GON4L: variants seen among roughly 807,000 people sequenced by gnomAD.
GON4L encodes gon-4 like.
GON4L carries 87 observed loss-of-function variants against 211.8 expected under a neutral mutation model. That is an observed-to-expected ratio of 0.41 (90% CI 0.35 to 0.49). The LOEUF (loss-of-function observed/expected upper bound fraction) is 0.49, where lower values mean the gene tolerates loss of function less well. Ranked by LOEUF, GON4L falls within the 20% of genes least tolerant of loss-of-function variation. The pLI, the probability that GON4L is intolerant of heterozygous loss-of-function variation, is 0.15. For missense variants in GON4L, 2,155 were observed against 2,659.5 expected (o/e 0.81, Z 4.17); for synonymous variants, 875 against 962.6 (o/e 0.91, Z 1.68).
At chr1:155,785,878 C>T (rs141889857) in intron 12 of GON4L, among the ~76,000 whole-genome samples, 63 of 152,194 alleles carry the variant, frequency 4.1e-4, no homozygotes, top group African/African-American at 1.4e-3. Flanking sequence ...AGATGGATCA[C>T]AAAGTCAGGA....
At chr1:155,823,941 T>C (rs546331644) in intron 3 of GON4L, among the ~76,000 whole-genome samples, 23 of 152,128 alleles carry the variant, frequency 1.5e-4, no homozygotes, top group Admixed American at 3.3e-4. Flanking sequence ...TCTTTAGTCA[T>C]GTGTCTGTGT....
chr1:155,801,314 G>A (rs1666640416), intron 11 of GON4L, among the ~76,000 whole-genome samples: 1 of 151,932 alleles, frequency 6.6e-6, no homozygotes, highest in African/African-American at 2.4e-5. Context: ...ATTGTCAAAG[G>A]GGTGAGTAAT....
chr1:155,747,924 T>G (rs747751915), downstream of GON4L: 2 of 1,558,214 alleles, frequency 1.3e-6, no homozygotes, highest in East Asian at 2.2e-5. Context: ...GAGTAAACAT[T>G]CGAATCCCAT....
chr1:155,805,983 C>T (rs1667088594), intron 10 of GON4L, among the ~76,000 whole-genome samples: 1 of 107,982 alleles, frequency 9.3e-6, no homozygotes, highest in South Asian at 3.8e-4. Context: ...GCCACCATGC[C>T]TGGTGTTTTT....
downstream of GON4L, chr1:155,748,073 G>C (rs1660306821): frequency 6.2e-7 from 1 of 1,608,574 alleles, no homozygotes; most frequent in Non-Finnish European, 8.5e-7. Flanking sequence ...CCTTGGGTGG[G>C]AGCCTGGGCC....
At chr1:155,767,039 A>AAAAACAAAAC (rs542258140) in intron 20 of GON4L, 2 of 558,792 alleles carry the variant, frequency 3.6e-6, no homozygotes, top group Non-Finnish European at 6.2e-6. Context: ...ACTCTGTCTC[A>AAAAACAAAAC]AAAACAAAAC....
At position 155,765,395 on chromosome 1, in the gene GON4L, C is replaced by G; in HGVS notation, c.4078G>C (p.Ala1360Pro). Residue 1360 changes from alanine (A) to proline (P), a missense_variant, in exon 21 of 32, where the codon GCC becomes CCC. Physicochemically the swap from Ala to Pro is conservative, Grantham distance 27 (BLOSUM62 -1). Transcript: ENST00000368331. ...VEHAVELDTG[A>P]PSEELSSAGE... is the part of the protein sequence containing the mutation. ...GCACTGCTCAACTCCTCGCTTGGGG[C>G]ACCAGTGTCCAATTCCACAGCATGT... The G allele has an allele frequency of 6.2e-7, 1 of 1,614,160 alleles. No individual in the cohort carries two copies. The highest frequency in any genetic ancestry group is 8.5e-7 in the Non-Finnish European group (1 of 1,180,004).
At chr1:155,852,512 C>T (rs952438188) in intron 2 of GON4L, among the ~76,000 whole-genome samples, 2 of 152,070 alleles carry the variant, frequency 1.3e-5, no homozygotes. Context: ...GAGGCCAAGG[C>T]GGGCGGATCA....
Position 155,798,478 on chromosome 1 carries a change from C to T in GON4L, c.1646-3327G>A, listed in dbSNP as rs1374862669. 1.0e-4 allele frequency among the ~76,000 whole-genome samples: 15 copies of T among 146,120 alleles called. No individual in the cohort carries two copies. The East Asian group carries it at 1.8e-3, about 17-fold the overall frequency. ...AGGCTGGAGCACAGAGGGGCGATCT[C>T]GGCTCGCTGCAAGCTCTGCCTCCCG... On this transcript the variant is annotated intron_variant, in intron 11 of 31. Transcript: ENST00000368331.
chr1:155,794,316 C>T (rs769086090), intron 12 of GON4L, among the ~76,000 whole-genome samples: 2 of 152,166 alleles, frequency 1.3e-5, no homozygotes, highest in Non-Finnish European at 2.9e-5. Context: ...AGGTGATCTG[C>T]CTGCCTCCAC....
chr1:155,837,210 T>TC (rs368265050), intron 2 of GON4L, among the ~76,000 whole-genome samples: 217 of 152,068 alleles, frequency 1.4e-3, no homozygotes, highest in African/African-American at 5.1e-3. Context: ...AAAATGAGGG[T>TC]CCCAAATGAG....
intron 2 of GON4L, among the ~76,000 whole-genome samples, chr1:155,829,630 T>C (rs1669557770): frequency 1.3e-5 from 2 of 152,182 alleles, no homozygotes; most frequent in Admixed American, 6.6e-5. Flanking sequence ...AAATAAACAA[T>C]ATAAATTAAA....
downstream of GON4L, chr1:155,749,452 T>C (rs1660390327): frequency 1.3e-6 from 2 of 1,552,102 alleles, no homozygotes; most frequent in East Asian, 4.6e-5. Flanking sequence ...CGGTTGCTCC[T>C]GCCCTTCTTG....
intron 2 of GON4L, among the ~76,000 whole-genome samples, chr1:155,846,827 A>G (rs1342143457): frequency 1.3e-5 from 2 of 152,012 alleles, no homozygotes; most frequent in Non-Finnish European, 2.9e-5. Flanking sequence ...CCTGGCCAAC[A>G]TGGTGAAACC....
At chr1:155,844,276 G>A (rs1246316206) in intron 2 of GON4L, among the ~76,000 whole-genome samples, 1 of 152,148 alleles carries the variant, frequency 6.6e-6, no homozygotes, top group Non-Finnish European at 1.5e-5. Context: ...CCTGACAACA[G>A]ACTAGTCTTG....
At position 155,777,757 on chromosome 1, in the gene GON4L, T is replaced by G. The variant is rs771194928; in HGVS notation, c.1956A>C (p.Glu652Asp). ...CTGAAGATTTCTTCATCTTCAGCTG[T>G]TCAAATAGCTCCTTCACTGTCCGAT... ...EQHRTVKELF[E>D]QLKMKKSSAK... The change falls in exon 15 of 32, where the codon GAA becomes GAC. Residue 652 changes from glutamate (E) to aspartate (D), a missense_variant. Physicochemically the swap from Glu to Asp is conservative, Grantham distance 45. Coordinates refer to ENST00000368331, the MANE Select transcript of GON4L (RefSeq NM_001282860.2). 1 of 1,613,420 alleles carries G rather than the reference T, an allele frequency of 6.2e-7. No homozygotes were observed. Among genetic ancestry groups the G allele is most frequent in the Non-Finnish European group, 8.5e-7 (1 of 1,179,346 alleles).
intron 2 of GON4L, among the ~76,000 whole-genome samples, chr1:155,843,011 T>G (rs1571920878): frequency 6.6e-6 from 1 of 152,040 alleles, no homozygotes; most frequent in Non-Finnish European, 1.5e-5. Flanking sequence ...TTTTGGTGAA[T>G]CCCTACAGGC....
intron 18 of GON4L, among the ~76,000 whole-genome samples, chr1:155,772,075 A>C (rs1663248539): frequency 6.6e-6 from 1 of 151,690 alleles, no homozygotes; most frequent in Admixed American, 6.6e-5. Flanking sequence ...AATCACTTGA[A>C]ACCGGGGGCG....
chr1:155,853,924 C>T (rs772001736), intron 1 of GON4L, 118 bp from the exon 2 acceptor site: 1 of 706,244 alleles, frequency 1.4e-6, no homozygotes, highest in Non-Finnish European at 2.4e-6. Flanking sequence ...ACCAAATGCA[C>T]AATTTCCCTT....
Sources: allele counts gnomAD v4.1 joint callset (sites outside exome capture counted in the v4.1 genomes callset), GRCh38; gene constraint gnomAD v4.1.1; transcripts MANE v1.5; gene names NCBI Gene and HGNC (gene_info 2026-07-23, HGNC 2026-07-21).